DGKB: variants seen among roughly 807,000 people sequenced by gnomAD.
DGKB encodes the protein diacylglycerol kinase beta.
DGKB carries 67 observed loss-of-function variants against 114.3 expected under a neutral mutation model. That is an observed-to-expected ratio of 0.59 (90% CI 0.48 to 0.72). DGKB has a LOEUF of 0.72. Ranked by LOEUF, DGKB falls within the 30% of genes least tolerant of loss-of-function variation. The probability of loss-of-function intolerance (pLI) is 0.00; values close to 1 mark genes in which losing one functional copy is unlikely to be tolerated. For missense variants in DGKB, 907 were observed against 975.2 expected (o/e 0.93, Z 0.93); for synonymous variants, 398 against 323.1 (o/e 1.23, Z -2.49).
chr7:14,624,841 C>T (rs1001803692), intron 14 of DGKB, among the ~76,000 whole-genome samples: 6 of 151,806 alleles, frequency 4.0e-5, no homozygotes, highest in South Asian at 2.1e-4. Context: ...CTACTAAAAA[C>T]GCAAAAATAT....
intron 20 of DGKB, among the ~76,000 whole-genome samples, chr7:14,571,266 A>T (rs759611805): frequency 2.5e-4 from 38 of 152,244 alleles, no homozygotes; most frequent in Non-Finnish European, 4.6e-4. Flanking sequence ...TGGGTGCTGT[A>T]GTTCTATCAG....
rs1800291729 is a variant in DGKB, at chr7:14,283,336, A to G, written c.2122+55179T>C. ...GTGAAGGACCTCTTCAAGGAGAACTACAAACCACTGCTCAAGGAACTAAAA... is the reference window on the plus strand; with the variant it reads ...GTGAAGGACCTCTTCAAGGAGAACTGCAAACCACTGCTCAAGGAACTAAAA... On this transcript the variant is annotated intron_variant, in intron 23 of 25. Transcript: ENST00000402815. Among the ~76,000 whole-genome samples the G allele has an allele frequency of 2.0e-5, 3 of 151,476 alleles. No homozygotes were observed. In the South Asian group the frequency reaches 6.2e-4, roughly 31 times the overall value.
chr7:14,657,492 T>C (rs1816093284), intron 13 of DGKB, among the ~76,000 whole-genome samples: 1 of 151,896 alleles, frequency 6.6e-6, no homozygotes, highest in African/African-American at 2.4e-5. Flanking sequence ...ATATGCTTTA[T>C]CCCTGCTCTT....
At chr7:14,187,648 C>G (rs762413021) in intron 23 of DGKB, among the ~76,000 whole-genome samples, 3 of 152,120 alleles carry the variant, frequency 2.0e-5, no homozygotes, top group Non-Finnish European at 4.4e-5. Context: ...AGTACTGAGT[C>G]GACCTAGAGC....
At chr7:14,951,790 C>T (rs1356193509) in intron 1 of DGKB, among the ~76,000 whole-genome samples, 1 of 151,824 alleles carries the variant, frequency 6.6e-6, no homozygotes, top group Admixed American at 6.6e-5. Context: ...CTATTTTCTA[C>T]TCATTTTTCC....
At chr7:14,553,007 A>T (rs1795325632) in intron 20 of DGKB, among the ~76,000 whole-genome samples, 1 of 152,240 alleles carries the variant, frequency 6.6e-6, no homozygotes, top group African/African-American at 2.4e-5. Flanking sequence ...GGGATGCTTA[A>T]GGCCTAATCC....
chr7:14,528,568 A>T (rs1192993054), intron 20 of DGKB, among the ~76,000 whole-genome samples: 1 of 152,096 alleles, frequency 6.6e-6, no homozygotes, highest in Non-Finnish European at 1.5e-5. Flanking sequence ...CAGAATTATG[A>T]AGTAATCTGT....
intron 2 of DGKB, among the ~76,000 whole-genome samples, chr7:14,782,745 G>T (rs1458502264): frequency 6.6e-6 from 1 of 152,132 alleles, no homozygotes; most frequent in Non-Finnish European, 1.5e-5. Flanking sequence ...TAGAAGATGG[G>T]AAAGTCTATT....
intron 23 of DGKB, among the ~76,000 whole-genome samples, chr7:14,327,986 T>G (rs574660851): frequency 3.8e-4 from 58 of 152,144 alleles, no homozygotes; most frequent in Non-Finnish European, 6.9e-4. Flanking sequence ...CTATTTTATA[T>G]GGAAGTCACA....
intron 23 of DGKB, among the ~76,000 whole-genome samples, chr7:14,272,731 G>C (rs989580213): frequency 6.6e-6 from 1 of 152,088 alleles, no homozygotes; most frequent in Non-Finnish European, 1.5e-5. Flanking sequence ...GTAAGAACTA[G>C]GAGATGATCT....
chr7:14,719,407 G>A (rs1282080136), intron 5 of DGKB, among the ~76,000 whole-genome samples: 3 of 131,874 alleles, frequency 2.3e-5, no homozygotes, highest in African/African-American at 7.8e-5. Flanking sequence ...ACCGAAATAT[G>A]TTCACAGTAA....
At chr7:14,446,086 C>A (rs886579177) in intron 21 of DGKB, among the ~76,000 whole-genome samples, 1 of 152,082 alleles carries the variant, frequency 6.6e-6, no homozygotes, top group African/African-American at 2.4e-5. Flanking sequence ...CTAAAACTTT[C>A]TCCAAATACT....
intron 21 of DGKB, among the ~76,000 whole-genome samples, chr7:14,348,495 G>GT (rs1812870659): frequency 6.0e-5 from 9 of 150,250 alleles, no homozygotes; most frequent in African/African-American, 2.2e-4. Flanking sequence ...ATATACAGAT[G>GT]GAAAAAAAAA....
intron 21 of DGKB, among the ~76,000 whole-genome samples, chr7:14,384,321 C>G (rs1819971500): frequency 6.6e-6 from 1 of 152,192 alleles, no homozygotes; most frequent in Non-Finnish European, 1.5e-5. Flanking sequence ...ATACAGCTTA[C>G]AGGCCAAGTT....
At chr7:14,452,695 A>C (rs1831706207) in intron 21 of DGKB, among the ~76,000 whole-genome samples, 1 of 152,110 alleles carries the variant, frequency 6.6e-6, no homozygotes, top group South Asian at 2.1e-4. Context: ...GGTAGAATGC[A>C]AAAAGGAAAC....
chr7:14,370,155 T>G (rs1817394182), intron 21 of DGKB, among the ~76,000 whole-genome samples: 1 of 152,232 alleles, frequency 6.6e-6, no homozygotes, highest in African/African-American at 2.4e-5. Context: ...AGTTTCAGTT[T>G]TCTGCATATG....
chr7:14,462,764 A>C (rs751020938), intron 21 of DGKB, among the ~76,000 whole-genome samples: 1 of 152,190 alleles, frequency 6.6e-6, no homozygotes, highest in Non-Finnish European at 1.5e-5. Context: ...ATGGAGCCAA[A>C]AAGGAGGCTG....
intron 1 of DGKB, among the ~76,000 whole-genome samples, chr7:14,844,426 C>T (rs868026893): frequency 1.3e-5 from 2 of 152,148 alleles, no homozygotes; most frequent in African/African-American, 2.4e-5. Context: ...GATTGGAGCA[C>T]ACAGCAATAG....
At chr7:14,683,723 A>C (rs920901149) in intron 10 of DGKB, among the ~76,000 whole-genome samples, 8 of 152,126 alleles carry the variant, frequency 5.3e-5, no homozygotes, top group Non-Finnish European at 7.4e-5. Context: ...CACTGCCTCA[A>C]ATTAAAATGA....
Sources: allele counts gnomAD v4.1 joint callset (sites outside exome capture counted in the v4.1 genomes callset), GRCh38; gene constraint gnomAD v4.1.1; transcripts MANE v1.5; gene names NCBI Gene and HGNC (gene_info 2026-07-23, HGNC 2026-07-21).